Variants in RSF1 observed in about 807,000 individuals in gnomAD.
RSF1 encodes remodeling and spacing factor 1, also known as HBV pX-associated protein 8.
RSF1 carries 13 observed loss-of-function variants against 145.2 expected under a neutral mutation model. The observed-to-expected ratio is 0.09, with a 90% CI of 0.06 to 0.14. The LOEUF (loss-of-function observed/expected upper bound fraction) is 0.14. Among genes scored for constraint, RSF1 ranks in the 10% least tolerant of loss-of-function variants. The probability of loss-of-function intolerance (pLI) is 1.00; values close to 1 mark genes in which losing one functional copy is unlikely to be tolerated. For synonymous variants in RSF1, 577 were observed against 592.6 expected, an observed-to-expected ratio of 0.97 and a Z score of 0.38; for missense variants, 1,517 against 1,718.2, an observed-to-expected ratio of 0.88 and a Z score of 2.07.
At chr11:77,715,230 C>G (rs1590846634) in intron 5 of RSF1, among the ~76,000 whole-genome samples, 1 of 151,730 alleles carries the variant, frequency 6.6e-6, no homozygotes, top group Non-Finnish European at 1.5e-5. Flanking sequence ...TTGTTTATGG[C>G]AAAAAAATAC....
At chr11:77,674,240 G>A (rs1299507556) in intron 14 of RSF1, among the ~76,000 whole-genome samples, 1 of 152,166 alleles carries the variant, frequency 6.6e-6, no homozygotes, top group Non-Finnish European at 1.5e-5. Flanking sequence ...GCCAGAGTCT[G>A]ATACTCATAT....
intron 4 of RSF1, among the ~76,000 whole-genome samples, chr11:77,728,530 G>GA (rs1961113859): frequency 6.6e-6 from 1 of 151,068 alleles, no homozygotes; most frequent in Non-Finnish European, 1.5e-5. Context: ...AAGGGGAAAG[G>GA]AAAGGGGAAA....
intron 5 of RSF1, among the ~76,000 whole-genome samples, chr11:77,718,567 G>C (rs1043504280): frequency 2.6e-5 from 4 of 152,174 alleles, no homozygotes; most frequent in African/African-American, 9.7e-5. Flanking sequence ...ACTGTATTTA[G>C]AGACAGAGCC....
At chr11:77,813,673 C>T in intron 1 of RSF1, 7 of 534,164 alleles carry the variant, frequency 1.3e-5, no homozygotes, top group South Asian at 1.2e-4. Context: ...ACCTTCAAAG[C>T]CATAGCTGCT....
At chr11:77,751,637 G>C (rs188547787) in intron 2 of RSF1, among the ~76,000 whole-genome samples, 14 of 152,284 alleles carry the variant, frequency 9.2e-5, no homozygotes, top group East Asian at 1.9e-4. Context: ...ATGCTACTTA[G>C]AAGACAGAAA....
In RSF1 at chr11:77,702,479, A is replaced by T; in HGVS notation, c.750T>A (p.Ser250Arg). The change falls in exon 6 of 16, where the codon AGT (serine) becomes AGA (arginine). Residue 250 changes from serine (S) to arginine (R), a missense_variant. Physicochemically the swap from Ser to Arg is moderately radical, Grantham distance 110. Around this residue, in one of 12 missense-constraint regions of RSF1, gnomAD observed 207 missense variants for 191.4 expected, o/e 1.08. Coordinates refer to ENST00000308488, the MANE Select transcript of RSF1 (RefSeq NM_016578.4). ...GCTGCTCCTCACTTTTCATCTTTTC[A>T]CTTTCTTTCTGTTCCTCTAAAAATC... Reference protein sequence around the residue: ...ETPKQEEQKESEKMKSEEQPM... With the variant: ...ETPKQEEQKEREKMKSEEQPM... 6.5e-7 allele frequency: 1 copy of T among 1,542,396 alleles called. No homozygotes were observed. Among genetic ancestry groups the T allele is most frequent in the Non-Finnish European group, 8.7e-7 (1 of 1,155,304 alleles).
intron 5 of RSF1, among the ~76,000 whole-genome samples, chr11:77,725,133 C>A (rs1961023644): frequency 6.6e-6 from 1 of 151,962 alleles, no homozygotes; most frequent in Admixed American, 6.6e-5. Flanking sequence ...TGAGAAAGAT[C>A]AAAAAAGTTC....
rs753141617 is a variant in RSF1 at position 77,693,467 on chromosome 11, C to T, written c.2820+40G>A. On this transcript the variant is annotated intron_variant, in intron 8 of 15. Coordinates refer to ENST00000308488, the MANE Select transcript of RSF1 (RefSeq NM_016578.4). ...TATTAAACAGTTATTAATTTGAATACAAACTCAAAGACTAGAAAAACAAGT... is the reference window on the plus strand; with the variant it reads ...TATTAAACAGTTATTAATTTGAATATAAACTCAAAGACTAGAAAAACAAGT... 1.1e-5 allele frequency: 14 copies of T among 1,292,988 alleles called. No homozygotes were observed. The East Asian group carries it at 2.5e-4, about 23-fold the overall frequency. The allele number at this position is 1,292,988 out of a possible 1,614,324, so 80.1% of individuals were successfully genotyped here.
the RSF1 span, among the ~76,000 whole-genome samples, chr11:77,840,853 C>T: frequency 6.6e-4 from 100 of 152,264 alleles, 2 homozygotes; most frequent in South Asian, 0.02. Context: ...ACAACTTTTC[C>T]CCCTGAAAGT....
At chr11:77,738,324 C>T (rs1961418146) in intron 4 of RSF1, among the ~76,000 whole-genome samples, 1 of 152,074 alleles carries the variant, frequency 6.6e-6, no homozygotes, top group South Asian at 2.1e-4. Flanking sequence ...ATTAGCCCCC[C>T]CATATCCACA....
upstream of RSF1, chr11:77,820,987 C>T: frequency 2.0e-6 from 1 of 511,716 alleles, no homozygotes; most frequent in Non-Finnish European, 3.4e-6. Context: ...GGGCTTGCCA[C>T]TGCCTCGTGT....
chr11:77,734,590 A>C, intron 4 of RSF1: 1 of 1,538,684 alleles, frequency 6.5e-7, no homozygotes, highest in Non-Finnish European at 8.9e-7. Flanking sequence ...CAATTCTTTG[A>C]TGGCTTTCAC....
intron 1 of RSF1, among the ~76,000 whole-genome samples, chr11:77,787,977 A>C (rs1170009605): frequency 6.7e-6 from 1 of 150,122 alleles, no homozygotes; most frequent in Non-Finnish European, 1.5e-5. Flanking sequence ...AAAAATACAA[A>C]AAAATACAAA....
intron 11 of RSF1, among the ~76,000 whole-genome samples, chr11:77,682,523 T>C (rs1448182523): frequency 6.6e-6 from 1 of 152,234 alleles, no homozygotes; most frequent in Non-Finnish European, 1.5e-5. Flanking sequence ...TTTCTAGGAA[T>C]AGCTACTAAC....
chr11:77,821,255 G>A, upstream of RSF1: 1 of 232,850 alleles, frequency 4.3e-6, no homozygotes, highest in East Asian at 8.8e-5. Flanking sequence ...AGTTTGCGGG[G>A]GAATCCTGAA....
intron 1 of RSF1, among the ~76,000 whole-genome samples, chr11:77,819,481 G>T (rs1260891451): frequency 2.6e-5 from 4 of 152,220 alleles, no homozygotes. Flanking sequence ...AAGTTTCAAT[G>T]GGGCCGGGCA....
chr11:77,841,914 T>C, the RSF1 span, among the ~76,000 whole-genome samples: 4 of 152,224 alleles, frequency 2.6e-5, no homozygotes, highest in Non-Finnish European at 5.9e-5. Flanking sequence ...AAGCCTCCTT[T>C]GGCCATGGCG....
intron 4 of RSF1, chr11:77,734,955 C>G: frequency 6.3e-7 from 1 of 1,596,684 alleles, no homozygotes; most frequent in Non-Finnish European, 8.5e-7. Flanking sequence ...CTAGGTTGAT[C>G]TGGCGGTTGA....
At chr11:77,669,991 T>A (rs1959478520) in intron 15 of RSF1, among the ~76,000 whole-genome samples, 1 of 152,314 alleles carries the variant, frequency 6.6e-6, no homozygotes, top group South Asian at 2.1e-4. Context: ...ATTAGCAGTG[T>A]GGTGGCTTAT....
Sources: gnomAD v4.1 joint callset for allele counts (sites outside exome capture counted in the v4.1 genomes callset) on GRCh38, gnomAD v4.1.1 for gene constraint, gnomAD v4.1.1 regional missense constraint, MANE v1.5 for transcripts, NCBI Gene and HGNC (gene_info 2026-07-23, HGNC 2026-07-21) for gene names.